INPP4B: variants seen among roughly 807,000 people sequenced by gnomAD.
INPP4B encodes inositol polyphosphate 4-phosphatase type II.
A neutral mutation model predicts 122.5 loss-of-function variants in INPP4B; 55 were observed. That is an observed-to-expected ratio of 0.45 (90% CI 0.36 to 0.56). The LOEUF (loss-of-function observed/expected upper bound fraction) is 0.56, where lower values mean the gene tolerates loss of function less well. INPP4B is among the 20% of genes least tolerant of loss of function. INPP4B has a pLI of 0.00. For synonymous variants in INPP4B, 403 were observed against 388.7 expected (o/e 1.04, Z -0.43); for missense variants, 1,000 against 1,097.7 (o/e 0.91, Z 1.26).
intron 4 of INPP4B, among the ~76,000 whole-genome samples, chr4:142,430,863 G>C (rs1050254264): frequency 6.6e-5 from 10 of 152,042 alleles, no homozygotes; most frequent in African/African-American, 2.2e-4. Flanking sequence ...TTAGTGTCTA[G>C]AAGGTATACT....
intron 2 of INPP4B, among the ~76,000 whole-genome samples, chr4:142,696,089 A>G (rs1426874985): frequency 6.6e-6 from 1 of 152,152 alleles, no homozygotes; most frequent in African/African-American, 2.4e-5. Context: ...TTATCAGACG[A>G]GGAAAGGTTA....
intron 9 of INPP4B, among the ~76,000 whole-genome samples, chr4:142,275,840 G>A (rs1748132298): frequency 6.6e-6 from 1 of 151,212 alleles, no homozygotes; most frequent in Non-Finnish European, 1.5e-5. Flanking sequence ...CCATCATCAT[G>A]AACTTTAACT....
intron 17 of INPP4B, among the ~76,000 whole-genome samples, chr4:142,158,947 GTA>G (rs1201368403): frequency 6.6e-5 from 10 of 151,890 alleles, no homozygotes; most frequent in Admixed American, 5.9e-4. Context: ...CTTCTTTTCT[GTA>G]TACACTCGAA....
intron 2 of INPP4B, among the ~76,000 whole-genome samples, chr4:142,599,275 G>A (rs1428721213): frequency 6.6e-6 from 1 of 152,002 alleles, no homozygotes; most frequent in Non-Finnish European, 1.5e-5. Context: ...GCCAACATAA[G>A]CCATCCAATA....
At chr4:142,532,900 T>C (rs999696487) in intron 2 of INPP4B, among the ~76,000 whole-genome samples, 1 of 152,188 alleles carries the variant, frequency 6.6e-6, no homozygotes, top group Non-Finnish European at 1.5e-5. Context: ...TGTGGACTTT[T>C]AGAAAACCTT....
At chr4:142,113,805 C>G (rs954630554) in intron 21 of INPP4B, among the ~76,000 whole-genome samples, 1 of 151,838 alleles carries the variant, frequency 6.6e-6, no homozygotes, top group African/African-American at 2.4e-5. Context: ...GATAATTTTA[C>G]CAGCTTTATT....
At chr4:142,652,338 C>G (rs1267098982) in intron 2 of INPP4B, among the ~76,000 whole-genome samples, 1 of 152,186 alleles carries the variant, frequency 6.6e-6, no homozygotes, top group African/African-American at 2.4e-5. Flanking sequence ...TCTCACCACT[C>G]CTATTCAACA....
intron 9 of INPP4B, among the ~76,000 whole-genome samples, chr4:142,290,522 C>T (rs1755990092): frequency 6.6e-6 from 1 of 151,886 alleles, no homozygotes; most frequent in Admixed American, 6.6e-5. Flanking sequence ...ATTTCTTTAC[C>T]TCTCCTCCAT....
chr4:142,132,779 C>T lies in INPP4B; in HGVS notation c.1721-8019G>A, dbSNP rs561239889. ...TCAGAAAACAAACATGCTATTATCT[C>T]CTCATCTTGAAACAAATATCACTGT... On this transcript the variant is annotated intron_variant, in intron 18 of 25. Coordinates refer to ENST00000262992, the MANE Select transcript of INPP4B (RefSeq NM_001101669.3). Among the ~76,000 whole-genome samples, 21 of 152,296 alleles carry T rather than the reference C, an allele frequency of 1.4e-4. No homozygotes were observed. The South Asian group carries it at 1.5e-3, about 11-fold the overall frequency.
chr4:142,728,224 T>C (rs1191006953), intron 1 of INPP4B, among the ~76,000 whole-genome samples: 5 of 152,200 alleles, frequency 3.3e-5, no homozygotes, highest in Non-Finnish European at 7.4e-5. Flanking sequence ...TGAGCCCTGA[T>C]TGGGCTTGAC....
At chr4:142,163,129 T>C (rs1216397606) in intron 16 of INPP4B, among the ~76,000 whole-genome samples, 1 of 151,908 alleles carries the variant, frequency 6.6e-6, no homozygotes, top group African/African-American at 2.4e-5. Context: ...CCTCTTAATC[T>C]GTGCTTTTGC....
At chr4:142,227,856 T>TAAAAAAAAAAAAAAAAA (rs60375355) in intron 12 of INPP4B, among the ~76,000 whole-genome samples, 17 of 34,202 alleles carry the variant, frequency 5.0e-4, no homozygotes, top group East Asian at 1.9e-3. Flanking sequence ...AGACTCTATC[T>TAAAAAAAAAAAAAAAAA]AAAAAAAAAA....
rs554003993 is a variant in INPP4B, at chr4:142,693,483, T to TAAAAA, written c.-191+32351_-191+32355dup. On this transcript the variant is annotated intron_variant, in intron 2 of 25. Transcript: ENST00000262992. The stretch of plus-strand genomic sequence containing the variant: ...CTGGCTATCTTAAAATGCCTTTTTC[T>TAAAAA]AAAAAAAAAAAAAAAAAAAAAAAAA... Among the ~76,000 whole-genome samples, 6 of 52,396 alleles carry TAAAAA rather than the reference T, an allele frequency of 1.1e-4. 2 individuals are homozygous for TAAAAA. Among genetic ancestry groups the TAAAAA allele is most frequent in the Admixed American group, 3.0e-4 (1 of 3,348 alleles). 34.4% of individuals were successfully genotyped at this position (52,396 alleles called of 152,430 possible).
intron 2 of INPP4B, among the ~76,000 whole-genome samples, chr4:142,635,016 G>C (rs892672156): frequency 3.3e-5 from 5 of 151,718 alleles, no homozygotes; most frequent in Non-Finnish European, 7.4e-5. Context: ...AATTACAAGA[G>C]AAAAACAACC....
At position 142,652,171 on chromosome 4, in the gene INPP4B, C is replaced by T. The variant is rs1289741623; in HGVS notation, c.-191+73668G>A. Among the ~76,000 whole-genome samples the T allele has an allele frequency of 2.6e-5, 4 of 152,246 alleles. No individual in the cohort carries two copies. In the East Asian group the frequency reaches 7.7e-4, roughly 29 times the overall value. The stretch of plus-strand genomic sequence containing the variant: ...AAAGGCCTTCGACAAAATTCGACAG[C>T]CCTTCATGCTAAAAACTCTCAATAA... On this transcript the variant is annotated intron_variant, in intron 2 of 25. Coordinates refer to ENST00000262992, the MANE Select transcript of INPP4B (RefSeq NM_001101669.3).
chr4:142,159,244 T>C (rs1818802201), intron 17 of INPP4B, among the ~76,000 whole-genome samples: 1 of 126,716 alleles, frequency 7.9e-6, no homozygotes, highest in Non-Finnish European at 1.6e-5. Context: ...TTAAGAGGTG[T>C]GTACACTTGG....
intron 2 of INPP4B, among the ~76,000 whole-genome samples, chr4:142,539,754 T>C (rs1237451342): frequency 2.6e-5 from 4 of 151,950 alleles, no homozygotes; most frequent in Admixed American, 2.6e-4. Flanking sequence ...TTATTTAATA[T>C]ATTATTAAAT....
At chr4:142,716,943 A>G (rs1763852927) in intron 2 of INPP4B, among the ~76,000 whole-genome samples, 1 of 152,250 alleles carries the variant, frequency 6.6e-6, no homozygotes, top group Admixed American at 6.5e-5. Context: ...ATAGGTTAAC[A>G]TAAGTAAAAC....
chr4:142,236,303 T>C (rs576423432), intron 12 of INPP4B, among the ~76,000 whole-genome samples: 2 of 152,336 alleles, frequency 1.3e-5, no homozygotes, highest in East Asian at 3.9e-4. Flanking sequence ...AAACTCCTTA[T>C]GCTTCTACTG....
Sources: gnomAD v4.1 joint callset for allele counts (sites outside exome capture counted in the v4.1 genomes callset) on GRCh38, gnomAD v4.1.1 for gene constraint, MANE v1.5 for transcripts, NCBI Gene and HGNC (gene_info 2026-07-23, HGNC 2026-07-21) for gene names.